The following CADM1 variants were observed in gnomAD, a reference collection of about 807,000 sequenced individuals.
CADM1 encodes cell adhesion molecule 1, also known as TSLC-1.
In CADM1, 15 loss-of-function variants were observed where a neutral mutation model predicts 53.1. The ratio of observed to expected loss-of-function variants is 0.28; its 90% confidence interval spans 0.19 to 0.44. CADM1 has a LOEUF of 0.44. Among genes scored for constraint, CADM1 ranks in the 20% least tolerant of loss-of-function variants. The pLI is 1.00. For missense variants in CADM1, 434 were observed against 611.3 expected (o/e 0.71, Z 3.06); for synonymous variants, 281 against 243.0 (o/e 1.16, Z -1.45).
At chr11:115,478,685 T>C (rs1949190811) in intron 1 of CADM1, among the ~76,000 whole-genome samples, 1 of 152,170 alleles carries the variant, frequency 6.6e-6, no homozygotes, top group South Asian at 2.1e-4. Context: ...AGATAGCCAT[T>C]GTTAAGAGCT....
In CADM1 at chr11:115,225,664, T is replaced by C. The variant is rs1941578936; in HGVS notation, c.721+3449A>G. Among the ~76,000 whole-genome samples the C allele has an allele frequency of 1.3e-5, 2 of 152,212 alleles. 1 individual carries two copies. The highest frequency in any genetic ancestry group is 4.1e-4 in the South Asian group (2 of 4,838). ...GTTGCAGCTCAAGCCTTGTCTTCTATGCCATATGGTAGCACTCCATTTTAA... is the reference window on the plus strand; with the variant it reads ...GTTGCAGCTCAAGCCTTGTCTTCTACGCCATATGGTAGCACTCCATTTTAA... On this transcript the variant is annotated intron_variant, in intron 5 of 11. Transcript: ENST00000331581.
chr11:115,435,464 G>A (rs1000577122), intron 1 of CADM1, among the ~76,000 whole-genome samples: 5 of 152,102 alleles, frequency 3.3e-5, no homozygotes, highest in African/African-American at 7.2e-5. Context: ...TGGGCGTGGT[G>A]GCTCACTCCT....
intron 10 of CADM1, among the ~76,000 whole-genome samples, chr11:115,180,378 C>A (rs1056783859): frequency 2.0e-5 from 3 of 152,170 alleles, no homozygotes; most frequent in African/African-American, 7.2e-5. Context: ...GAGGCAGCAG[C>A]AGGTCGCCCA....
chr11:115,429,263 A>G (rs1444500773), intron 1 of CADM1, among the ~76,000 whole-genome samples: 4 of 152,206 alleles, frequency 2.6e-5, no homozygotes, highest in Admixed American at 2.6e-4. Context: ...ATGCAGAATG[A>G]ACAAAACAAC....
At chr11:115,281,275 A>T (rs1234609998) in intron 1 of CADM1, among the ~76,000 whole-genome samples, 4 of 152,232 alleles carry the variant, frequency 2.6e-5, no homozygotes, top group Admixed American at 2.6e-4. Context: ...GCTCTTTTGT[A>T]GCACAGGGAA....
Position 115,213,332 on chromosome 11 carries a change from A to C in CADM1, c.994+1276T>G, listed in dbSNP as rs535008719. On this transcript the variant is annotated intron_variant, in intron 7 of 11. Transcript: ENST00000331581. ...TATGTAGAAAAGCTGTTTGCTTCACATGGATTTCCTTAACTACTGGGAGAA... is the reference window on the plus strand; with the variant it reads ...TATGTAGAAAAGCTGTTTGCTTCACCTGGATTTCCTTAACTACTGGGAGAA... Among the ~76,000 whole-genome samples the C allele has an allele frequency of 5.9e-5, 9 of 152,370 alleles. No homozygotes were observed. The East Asian group carries it at 9.6e-4, about 16-fold the overall frequency.
At chr11:115,503,005 C>A (rs1949763361) in intron 1 of CADM1, among the ~76,000 whole-genome samples, 1 of 152,164 alleles carries the variant, frequency 6.6e-6, no homozygotes, top group South Asian at 2.1e-4. Context: ...AGGGGCTTTG[C>A]AGGCTCAGAG....
intron 1 of CADM1, among the ~76,000 whole-genome samples, chr11:115,350,360 T>C (rs992192531): frequency 6.6e-6 from 1 of 152,096 alleles, no homozygotes. Flanking sequence ...TCAGGAAGTA[T>C]GTGAAAATGG....
intron 1 of CADM1, among the ~76,000 whole-genome samples, chr11:115,347,785 G>T (rs1005383596): frequency 3.9e-5 from 6 of 152,150 alleles, no homozygotes; most frequent in Non-Finnish European, 7.4e-5. Flanking sequence ...ATACTGCCAT[G>T]CTACAATAGT....
At chr11:115,353,440 G>A (rs1313543511) in intron 1 of CADM1, among the ~76,000 whole-genome samples, 2 of 152,220 alleles carry the variant, frequency 1.3e-5, no homozygotes, top group African/African-American at 2.4e-5. Context: ...ATAGCGGCAT[G>A]TTGCTATTTA....
At chr11:115,383,068 A>T (rs1946617804) in intron 1 of CADM1, among the ~76,000 whole-genome samples, 1 of 152,236 alleles carries the variant, frequency 6.6e-6, no homozygotes, top group African/African-American at 2.4e-5. Context: ...CTCCTAACTC[A>T]TACAATGTAT....
At chr11:115,464,092 T>C (rs576318955) in intron 1 of CADM1, among the ~76,000 whole-genome samples, 1 of 152,286 alleles carries the variant, frequency 6.6e-6, no homozygotes, top group South Asian at 2.1e-4. Context: ...CTGCATCTAT[T>C]CCCTTTTCCT....
intron 1 of CADM1, among the ~76,000 whole-genome samples, chr11:115,469,982 T>A (rs1215743209): frequency 1.3e-5 from 2 of 152,228 alleles, no homozygotes; most frequent in Non-Finnish European, 2.9e-5. Flanking sequence ...CCTGGGGCTT[T>A]TATTTTACCT....
At chr11:115,202,482 G>C (rs1291225518) in intron 8 of CADM1, among the ~76,000 whole-genome samples, 1 of 152,058 alleles carries the variant, frequency 6.6e-6, no homozygotes, top group African/African-American at 2.4e-5. Flanking sequence ...ACAATGCGCA[G>C]ACTGCAAGCC....
At chr11:115,198,841 G>C (rs1372602683) in intron 8 of CADM1, among the ~76,000 whole-genome samples, 1 of 152,166 alleles carries the variant, frequency 6.6e-6, no homozygotes, top group Non-Finnish European at 1.5e-5. Context: ...TTAAACAATG[G>C]ATTCATAACA....
intron 1 of CADM1, among the ~76,000 whole-genome samples, chr11:115,387,933 C>A (rs186549932): frequency 6.6e-6 from 1 of 151,434 alleles, no homozygotes. Flanking sequence ...CAAAACTACC[C>A]AAAAAACAAA....
At chr11:115,409,652 A>G (rs1261570291) in intron 1 of CADM1, among the ~76,000 whole-genome samples, 1 of 152,026 alleles carries the variant, frequency 6.6e-6, no homozygotes, top group Non-Finnish European at 1.5e-5. Context: ...AAAATAATCC[A>G]CGGAGAATGC....
chr11:115,490,228 G>A (rs1949462457), intron 1 of CADM1, among the ~76,000 whole-genome samples: 1 of 152,100 alleles, frequency 6.6e-6, no homozygotes, highest in Non-Finnish European at 1.5e-5. Flanking sequence ...TTCCTCGTCT[G>A]TAAAATGAAG....
rs1938926637 is a variant in CADM1 at position 115,174,446 on chromosome 11, T to C, written c.*2028A>G. The C allele has an allele frequency of 1.0e-5, 10 of 985,612 alleles. No homozygotes were observed. Among genetic ancestry groups the C allele is most frequent in the Non-Finnish European group, 1.2e-5 (10 of 829,862 alleles). 61.1% of individuals were successfully genotyped at this position (985,612 alleles called of 1,614,324 possible). Reference sequence around the variant, plus strand: ...TATAAAATTCATTGAAAAAGGGATGTTCATTGTGGCTTTTTGTCTTGGTTA... The same window carrying C: ...TATAAAATTCATTGAAAAAGGGATGCTCATTGTGGCTTTTTGTCTTGGTTA... On this transcript the variant is annotated 3_prime_UTR_variant, in exon 12 of 12. Coordinates refer to ENST00000331581, the MANE Select transcript of CADM1 (RefSeq NM_001301043.2).
Sources: allele counts gnomAD v4.1 joint callset (sites outside exome capture counted in the v4.1 genomes callset), GRCh38; gene constraint gnomAD v4.1.1; transcripts MANE v1.5; gene names NCBI Gene and HGNC (gene_info 2026-07-23, HGNC 2026-07-21).